The following ERBB4 variants were observed in gnomAD, a reference collection of about 807,000 sequenced individuals.
ERBB4 encodes the protein receptor tyrosine-protein kinase erbB-4.
A neutral mutation model predicts 158.0 loss-of-function variants in ERBB4; 42 were observed. The ratio of observed to expected loss-of-function variants is 0.27; its 90% confidence interval spans 0.21 to 0.34. ERBB4 has a LOEUF of 0.34. Among genes scored for constraint, ERBB4 ranks in the 10% least tolerant of loss-of-function variants. ERBB4 has a pLI of 1.00. For synonymous variants in ERBB4, 583 were observed against 558.7 expected (o/e 1.04, Z -0.61); for missense variants, 1,333 against 1,624.1 (o/e 0.82, Z 3.08).
At chr2:211,966,783 A>G (rs2081322305) in intron 2 of ERBB4, among the ~76,000 whole-genome samples, 2 of 152,066 alleles carry the variant, frequency 1.3e-5, no homozygotes, top group South Asian at 4.1e-4. Context: ...ATTTTACTCA[A>G]TTTCCTCTGA....
At chr2:211,469,114 G>A (rs551140948) in intron 20 of ERBB4, among the ~76,000 whole-genome samples, 79 of 152,100 alleles carry the variant, frequency 5.2e-4, no homozygotes, top group African/African-American at 1.8e-3. Context: ...AACTCTGCTC[G>A]TAAGCCCCTT....
chr2:211,418,359 G>A (rs976439446), intron 25 of ERBB4, among the ~76,000 whole-genome samples: 2 of 152,138 alleles, frequency 1.3e-5, no homozygotes, highest in East Asian at 3.9e-4. Flanking sequence ...CAATATAGAT[G>A]ACAAATAAAG....
chr2:211,633,877 A>G (rs2070245764), intron 16 of ERBB4, among the ~76,000 whole-genome samples: 1 of 152,144 alleles, frequency 6.6e-6, no homozygotes, highest in Non-Finnish European at 1.5e-5. Context: ...AAGAAACTTG[A>G]GGCCGGGCCA....
intron 1 of ERBB4, among the ~76,000 whole-genome samples, chr2:212,368,008 A>G (rs919673748): frequency 4.6e-5 from 7 of 152,114 alleles, no homozygotes; most frequent in Non-Finnish European, 1.0e-4. Context: ...TACAGCCACT[A>G]TAAAAACAAC....
chr2:212,112,647 TCTGAGC>T (rs1372225954), intron 2 of ERBB4, among the ~76,000 whole-genome samples: 1 of 152,156 alleles, frequency 6.6e-6, no homozygotes, highest in Non-Finnish European at 1.5e-5. Context: ...CATTTAATTC[TCTGAGC>T]CTGTTTCATC....
rs185335275 is a variant in ERBB4 at position 211,389,499 on chromosome 2, A to G, written c.3136-1507T>C. ...TAGTCTGCTGGACTAATCAAGGGAC[A>G]TGGTCTGAACCCCTATAGTGAGGTT... On this transcript the variant is annotated intron_variant, in intron 25 of 27. Transcript: ENST00000342788. 2.6e-5 allele frequency among the ~76,000 whole-genome samples: 4 copies of G among 152,308 alleles called. No individual in the cohort carries two copies. In the East Asian group the frequency reaches 7.7e-4, roughly 29 times the overall value.
At chr2:211,532,687 C>T (rs10197225) in intron 20 of ERBB4, among the ~76,000 whole-genome samples, 1 of 151,400 alleles carries the variant, frequency 6.6e-6, no homozygotes, top group Non-Finnish European at 1.5e-5. Context: ...ACAAGACGTC[C>T]GGAAATGACA....
chr2:211,910,762 T>C (rs774666049), intron 3 of ERBB4, among the ~76,000 whole-genome samples: 16 of 152,174 alleles, frequency 1.1e-4, no homozygotes, highest in Non-Finnish European at 1.8e-4. Context: ...CTTTTGTCAT[T>C]CTTTTAAATT....
chr2:211,484,562 T>A (rs972806035), intron 20 of ERBB4, among the ~76,000 whole-genome samples: 1 of 152,106 alleles, frequency 6.6e-6, no homozygotes, highest in African/African-American at 2.4e-5. Flanking sequence ...AAAGACTGCA[T>A]TAATATGAGA....
At chr2:211,992,225 G>A (rs2125256399) in intron 2 of ERBB4, among the ~76,000 whole-genome samples, 1 of 152,178 alleles carries the variant, frequency 6.6e-6, no homozygotes, top group South Asian at 2.1e-4. Context: ...AGGTTTAATT[G>A]GACTTACAGT....
At chr2:211,609,071 GC>G (rs1350188943) in intron 19 of ERBB4, among the ~76,000 whole-genome samples, 1 of 152,072 alleles carries the variant, frequency 6.6e-6, no homozygotes, top group Non-Finnish European at 1.5e-5. Flanking sequence ...CTCAGCAGCA[GC>G]CCAAGAAGCA....
intron 20 of ERBB4, among the ~76,000 whole-genome samples, chr2:211,555,971 T>C (rs2067226178): frequency 6.6e-6 from 1 of 152,156 alleles, no homozygotes; most frequent in African/African-American, 2.4e-5. Flanking sequence ...CACATTTCAA[T>C]ACTAAATCTT....
rs374134991 is a variant in ERBB4, at chr2:212,107,973, T to C, written c.234+16779A>G. Among the ~76,000 whole-genome samples the C allele has an allele frequency of 5.3e-5, 8 of 152,334 alleles. No individual in the cohort carries two copies. The East Asian group carries it at 5.8e-4, about 11-fold the overall frequency. On this transcript the variant is annotated intron_variant, in intron 2 of 27. Coordinates refer to ENST00000342788, the MANE Select transcript of ERBB4 (RefSeq NM_005235.3). ...TTTTTTCTTTTTAAATTACACAGTC[T>C]CGGGTTTGTCTTTATCAGCAGTGTG...
intron 20 of ERBB4, among the ~76,000 whole-genome samples, chr2:211,542,224 G>T (rs1187023480): frequency 6.6e-6 from 1 of 151,998 alleles, no homozygotes; most frequent in Non-Finnish European, 1.5e-5. Flanking sequence ...TGGCCTGCAG[G>T]TTGCTGGAAT....
intron 1 of ERBB4, among the ~76,000 whole-genome samples, chr2:212,245,167 A>G (rs1011276367): frequency 2.6e-5 from 4 of 152,190 alleles, no homozygotes; most frequent in Non-Finnish European, 5.9e-5. Context: ...CACACTTATC[A>G]TAGAAAATTT....
chr2:211,967,044 T>A (rs975075907), intron 2 of ERBB4, among the ~76,000 whole-genome samples: 9 of 152,168 alleles, frequency 5.9e-5, no homozygotes, highest in Non-Finnish European at 1.3e-4. Context: ...GGGCTGAAGA[T>A]CCCATTTATA....
intron 3 of ERBB4, among the ~76,000 whole-genome samples, chr2:211,832,264 T>TA (rs1189771374): frequency 6.6e-6 from 1 of 152,154 alleles, no homozygotes; most frequent in African/African-American, 2.4e-5. Context: ...AGTTGATTAT[T>TA]ATGAGAGATG....
chr2:212,402,295 G>T (rs1270734322), intron 1 of ERBB4, among the ~76,000 whole-genome samples: 1 of 152,092 alleles, frequency 6.6e-6, no homozygotes, highest in Non-Finnish European at 1.5e-5. Context: ...TATATAAAAT[G>T]TTTTATATGA....
intron 12 of ERBB4, among the ~76,000 whole-genome samples, chr2:211,698,887 T>C (rs1210404005): frequency 2.0e-5 from 3 of 152,240 alleles, no homozygotes. Context: ...AAATGATAGA[T>C]GCCCAAAATA....
Sources: allele counts gnomAD v4.1 joint callset (sites outside exome capture counted in the v4.1 genomes callset), GRCh38; gene constraint gnomAD v4.1.1; transcripts MANE v1.5; gene names NCBI Gene and HGNC (gene_info 2026-07-23, HGNC 2026-07-21).